Variants in CSMD2 observed in about 807,000 individuals in gnomAD.
CSMD2 encodes the protein CUB and Sushi multiple domains 2, also known as CUB and sushi domain-containing protein 2.
CSMD2 carries 130 observed loss-of-function variants against 398.5 expected under a neutral mutation model. The observed-to-expected ratio is 0.33, with a 90% CI of 0.28 to 0.38. The LOEUF is 0.38. CSMD2 is among the 10% of genes least tolerant of loss of function. CSMD2 has a pLI of 1.00. For synonymous variants in CSMD2, 1,828 were observed against 1,908.5 expected (o/e 0.96, Z 1.10); for missense variants, 3,829 against 4,764.9 (o/e 0.80, Z 5.78).
Position 33,717,847 on chromosome 1 carries a change from G to T in CSMD2, c.3002-1346C>A, listed in dbSNP as rs540260426. On this transcript the variant is annotated intron_variant, in intron 19 of 70. Coordinates refer to ENST00000373381, the MANE Select transcript of CSMD2 (RefSeq NM_001281956.2). ...TGGTCAAAGAGCAATCAGAGAGCTG[G>T]AAAGAGGGAGGAGGGAGCTCCAGTA... 3.9e-5 allele frequency among the ~76,000 whole-genome samples: 6 copies of T among 152,152 alleles called. No individual in the cohort carries two copies. The East Asian group carries it at 7.8e-4, about 20-fold the overall frequency.
Position 33,546,205 on chromosome 1 carries a change from C to A in CSMD2, c.8932G>T (p.Val2978Phe), listed in dbSNP as rs1282514257. The A allele has an allele frequency of 6.2e-7, 1 of 1,613,658 alleles. No individual in the cohort carries two copies. The highest frequency in any genetic ancestry group is 8.5e-7 in the Non-Finnish European group (1 of 1,179,618). Residue 2978 changes from valine (V) to phenylalanine (F), a missense_variant, in exon 57 of 71, where the codon GTT becomes TTT. Physicochemically the swap from Val to Phe is conservative, Grantham distance 50 (BLOSUM62 -1). Around this residue, in one of 5 missense-constraint regions of CSMD2, gnomAD observed 917 missense variants for 1,199.5 expected, o/e 0.76. Transcript: ENST00000373381. The stretch of plus-strand genomic sequence containing the variant: ...GCCGGGATCCCAGGGTCACCGCAAA[C>A]TCCCACGCTGGTTCCTATGGACCAG... The part of the protein sequence containing the change: ...LPHCSGTSVG[V>F]CGDPGIPAHG...
chr1:33,546,635 A>G (rs1656925321), intron 56 of CSMD2, among the ~76,000 whole-genome samples: 1 of 152,158 alleles, frequency 6.6e-6, no homozygotes, highest in Non-Finnish European at 1.5e-5. Context: ...AACTCTTGCA[A>G]GAGCCTCCCG....
At chr1:33,747,587 A>G (rs1163053308) in intron 13 of CSMD2, among the ~76,000 whole-genome samples, 1 of 152,224 alleles carries the variant, frequency 6.6e-6, no homozygotes, top group Non-Finnish European at 1.5e-5. Context: ...ACAAGGAAGC[A>G]TGGGGTAGGG....
At chr1:33,960,425 G>A (rs987681701) in intron 3 of CSMD2, among the ~76,000 whole-genome samples, 2 of 152,240 alleles carry the variant, frequency 1.3e-5, no homozygotes, top group African/African-American at 2.4e-5. Context: ...GAACCCTGAT[G>A]CTCTCTGGAA....
intron 2 of CSMD2, among the ~76,000 whole-genome samples, chr1:34,036,825 C>T (rs1391598454): frequency 6.6e-6 from 1 of 152,200 alleles, no homozygotes; most frequent in Admixed American, 6.5e-5. Flanking sequence ...TTCTGATTAG[C>T]TCCAGTCTTG....
intron 2 of CSMD2, among the ~76,000 whole-genome samples, chr1:34,046,988 T>G (rs1652598502): frequency 6.6e-6 from 1 of 152,138 alleles, no homozygotes; most frequent in South Asian, 2.1e-4. Context: ...TTCCTCCTAG[T>G]CCACCTACAG....
intron 5 of CSMD2, among the ~76,000 whole-genome samples, chr1:33,909,396 C>G (rs1643318912): frequency 6.6e-6 from 1 of 152,194 alleles, no homozygotes; most frequent in African/African-American, 2.4e-5. Flanking sequence ...AGGGTCCCCA[C>G]TGCTGTTATT....
chr1:33,882,182 T>C (rs1001055112), intron 5 of CSMD2: 1 of 152,098 alleles, frequency 6.6e-6, no homozygotes, highest in Non-Finnish European at 1.5e-5. Flanking sequence ...TTCTAAGAGG[T>C]TCAGTGACTT....
chr1:33,975,742 A>C (rs576726791), intron 3 of CSMD2, among the ~76,000 whole-genome samples: 1 of 152,214 alleles, frequency 6.6e-6, no homozygotes, highest in Admixed American at 6.5e-5. Flanking sequence ...GTTGGACTCC[A>C]CTGACGCTCC....
intron 48 of CSMD2, among the ~76,000 whole-genome samples, chr1:33,579,357 G>C (rs1638527821): frequency 6.6e-6 from 1 of 152,176 alleles, no homozygotes; most frequent in Non-Finnish European, 1.5e-5. Flanking sequence ...GTAGGTGAGA[G>C]AGCTGGTCAC....
intron 65 of CSMD2, among the ~76,000 whole-genome samples, chr1:33,526,581 T>C (rs935577658): frequency 1.5e-4 from 23 of 152,370 alleles, no homozygotes; most frequent in Admixed American, 2.0e-4. Context: ...TTATGATCTC[T>C]ATTTTACTGA....
intron 1 of CSMD2, among the ~76,000 whole-genome samples, chr1:34,103,416 A>C (rs1057239557): frequency 6.1e-5 from 9 of 148,694 alleles, no homozygotes; most frequent in African/African-American, 2.0e-4. Flanking sequence ...CTCCTGCCTC[A>C]GCCTCCTGAG....
chr1:33,583,954 A>T, intron 46 of CSMD2, 124 bp from the exon 47 acceptor site: 1 of 741,444 alleles, frequency 1.3e-6, no homozygotes, highest in Non-Finnish European at 2.2e-6. Context: ...CATTCAGATA[A>T]GATCCCACAT....
chr1:33,582,379 T>C (rs1638785816), intron 47 of CSMD2, among the ~76,000 whole-genome samples: 2 of 152,180 alleles, frequency 1.3e-5, no homozygotes, highest in African/African-American at 2.4e-5. Flanking sequence ...AGTATAACTA[T>C]ATGAACAAAA....
chr1:33,899,446 G>A (rs1642608857), intron 5 of CSMD2, among the ~76,000 whole-genome samples: 1 of 152,194 alleles, frequency 6.6e-6, no homozygotes. Context: ...CAACTTCCTA[G>A]CTCTGTGACC....
intron 42 of CSMD2, among the ~76,000 whole-genome samples, chr1:33,604,308 T>C (rs1302055195): frequency 6.6e-6 from 1 of 152,162 alleles, no homozygotes; most frequent in Non-Finnish European, 1.5e-5. Context: ...TCTGAAAAAC[T>C]AACTGAGGCT....
At chr1:33,613,355 G>C (rs1054658091) in intron 40 of CSMD2, among the ~76,000 whole-genome samples, 1 of 152,166 alleles carries the variant, frequency 6.6e-6, no homozygotes, top group Non-Finnish European at 1.5e-5. Flanking sequence ...CCTCAAGACT[G>C]GATGCAGAGG....
At chr1:34,097,955 C>T (rs1242615745) in intron 1 of CSMD2, among the ~76,000 whole-genome samples, 1 of 134,640 alleles carries the variant, frequency 7.4e-6, no homozygotes, top group East Asian at 2.2e-4. Flanking sequence ...TATAAAGACG[C>T]ATGCACACGT....
At chr1:33,618,969 C>T (rs1641578331) in intron 37 of CSMD2, among the ~76,000 whole-genome samples, 1 of 152,150 alleles carries the variant, frequency 6.6e-6, no homozygotes, top group Non-Finnish European at 1.5e-5. Flanking sequence ...TGCTTTGAAT[C>T]CCTCCCTGGC....
Sources: gnomAD v4.1 joint callset for allele counts (sites outside exome capture counted in the v4.1 genomes callset) on GRCh38, gnomAD v4.1.1 for gene constraint, gnomAD v4.1.1 regional missense constraint, MANE v1.5 for transcripts, NCBI Gene and HGNC (gene_info 2026-07-23, HGNC 2026-07-21) for gene names.